MEGF11: variants seen among roughly 807,000 people sequenced by gnomAD.
MEGF11 encodes multiple epidermal growth factor-like domains protein 11.
Under a neutral mutation model 146.6 loss-of-function variants are expected in MEGF11, and 126 were observed. The ratio of observed to expected loss-of-function variants is 0.86; its 90% CI spans 0.74 to 1.00. The LOEUF (loss-of-function observed/expected upper bound fraction) is 1.00, where lower values mean the gene tolerates loss of function less well. Among genes scored for constraint, MEGF11 ranks in the 50% least tolerant of loss-of-function variants. The pLI, the probability that MEGF11 is intolerant of heterozygous loss-of-function variation, is 0.00. For missense variants in MEGF11, 1,509 were observed against 1,521.2 expected (o/e 0.99, Z 0.13); for synonymous variants, 532 against 583.4 (o/e 0.91, Z 1.27).
chr15:65,961,069 G>A (rs941793043), intron 9 of MEGF11, among the ~76,000 whole-genome samples: 1 of 152,106 alleles, frequency 6.6e-6, no homozygotes, highest in Non-Finnish European at 1.5e-5. Flanking sequence ...AGAGGATGGA[G>A]AGTGACAGCT....
chr15:66,025,181 T>G (rs2083285058), intron 5 of MEGF11, among the ~76,000 whole-genome samples: 1 of 152,178 alleles, frequency 6.6e-6, no homozygotes, highest in Non-Finnish European at 1.5e-5. Context: ...TTCCAGCAAG[T>G]CTATGCAAAA....
At chr15:65,937,482 T>C (rs1340729563) in intron 10 of MEGF11, among the ~76,000 whole-genome samples, 1 of 152,010 alleles carries the variant, frequency 6.6e-6, no homozygotes, top group Non-Finnish European at 1.5e-5. Flanking sequence ...TGTACAGGCC[T>C]TGGTTTCTTT....
Position 66,194,668 on chromosome 15 carries a change from AAGGGGG to A in MEGF11, c.-9+58931_-9+58936del, listed in dbSNP as rs748360275. ...AATGGACTTTGGGGACTCAGGGAAG[AAGGGGG>A]AGGGGGAGGGGGAGGGATAAAAGAC... On this transcript the variant is annotated intron_variant, in intron 1 of 25. Coordinates refer to ENST00000395614, the MANE Select transcript of MEGF11 (RefSeq NM_001385028.1). 4.0e-4 allele frequency among the ~76,000 whole-genome samples: 54 copies of A among 135,090 alleles called. No individual in the cohort carries two copies. In the South Asian group the frequency reaches 6.4e-3, roughly 16 times the overall value. The allele number at this position is 135,090 out of a possible 152,430, so 88.6% of individuals were successfully genotyped here.
At chr15:66,001,451 C>T (rs1057465308) in intron 5 of MEGF11, among the ~76,000 whole-genome samples, 1 of 152,178 alleles carries the variant, frequency 6.6e-6, no homozygotes, top group African/African-American at 2.4e-5. Flanking sequence ...GATGCTGTCA[C>T]AGCCAAGCAT....
At chr15:66,220,391 T>A (rs1334008306) in intron 1 of MEGF11, among the ~76,000 whole-genome samples, 4 of 151,852 alleles carry the variant, frequency 2.6e-5, no homozygotes, top group Non-Finnish European at 4.4e-5. Flanking sequence ...TCTCGAGAGA[T>A]TACTGTATGA....
In MEGF11 at chr15:66,023,146, A is replaced by AAAC. The variant is rs1404650956; in HGVS notation, c.395-40659_395-40658insGTT. On this transcript the variant is annotated intron_variant, in intron 5 of 25. Coordinates refer to ENST00000395614, the MANE Select transcript of MEGF11 (RefSeq NM_001385028.1). ...ACAAAGTGAGACTCCATCTCAAAAA[A>AAAC]AAAAAAAAACAAACTTGTTTGAAGC... Among the ~76,000 whole-genome samples, 701 of 150,998 alleles carry AAAC rather than the reference A, an allele frequency of 4.6e-3. 13 individuals carry two copies. The highest frequency in any genetic ancestry group is 0.015 in the African/African-American group (598 of 40,862).
intron 24 of MEGF11, among the ~76,000 whole-genome samples, chr15:65,904,163 G>C (rs949599789): frequency 3.3e-5 from 5 of 152,206 alleles, no homozygotes; most frequent in Non-Finnish European, 7.3e-5. Flanking sequence ...TGTGTGTTCA[G>C]TTATTGGGGT....
At chr15:66,023,596 C>T (rs934083706) in intron 5 of MEGF11, among the ~76,000 whole-genome samples, 2 of 152,244 alleles carry the variant, frequency 1.3e-5, no homozygotes, top group Non-Finnish European at 2.9e-5. Context: ...CAAAGACTCA[C>T]AGCCCCAGTT....
intron 1 of MEGF11, among the ~76,000 whole-genome samples, chr15:66,190,612 C>T (rs2090843020): frequency 6.6e-6 from 1 of 152,134 alleles, no homozygotes; most frequent in African/African-American, 2.4e-5. Flanking sequence ...GATAGCACCC[C>T]TCAAAATGCC....
intron 5 of MEGF11, among the ~76,000 whole-genome samples, chr15:66,015,007 A>G (rs2082838094): frequency 6.6e-6 from 1 of 152,124 alleles, no homozygotes. Context: ...GCCAATTTCC[A>G]TGGTGTAAAT....
chr15:65,931,366 T>A (rs1463348146), intron 10 of MEGF11, among the ~76,000 whole-genome samples: 1 of 152,082 alleles, frequency 6.6e-6, no homozygotes, highest in African/African-American at 2.4e-5. Context: ...AGTCCTGCAA[T>A]CAGAGGAACT....
intron 10 of MEGF11, among the ~76,000 whole-genome samples, chr15:65,952,511 C>A (rs1231449334): frequency 1.3e-5 from 2 of 152,322 alleles, no homozygotes; most frequent in South Asian, 4.1e-4. Context: ...GCTGGCCTGA[C>A]CACTGTGTCA....
chr15:65,922,095 T>C (rs1426505568), intron 15 of MEGF11: 8 of 556,078 alleles, frequency 1.4e-5, no homozygotes, highest in Admixed American at 3.5e-5. Flanking sequence ...AATTTGTTTC[T>C]GCCACTTGCT....
At chr15:66,010,991 A>G (rs2082693438) in intron 5 of MEGF11, among the ~76,000 whole-genome samples, 1 of 152,128 alleles carries the variant, frequency 6.6e-6, no homozygotes, top group Non-Finnish European at 1.5e-5. Flanking sequence ...GGGACAATGG[A>G]GACTCTCTAT....
At chr15:66,012,554 A>G (rs531841186) in intron 5 of MEGF11, among the ~76,000 whole-genome samples, 1 of 152,366 alleles carries the variant, frequency 6.6e-6, no homozygotes, top group African/African-American at 2.4e-5. Flanking sequence ...AATAATTCTA[A>G]TTATGATGCA....
rs112018993 is a variant in MEGF11, at chr15:66,148,005, T to C, written c.-8-19594A>G. 1.0e-3 allele frequency among the ~76,000 whole-genome samples: 157 copies of C among 152,256 alleles called. 1 individual carries two copies. The highest frequency in any genetic ancestry group is 3.6e-3 in the African/African-American group (149 of 41,552). On this transcript the variant is annotated intron_variant, in intron 1 of 25. Transcript: ENST00000395614. ...ATAGGAAGAATGCATGGGAGCAATA[T>C]TGGCTGACTTGGAGGGACTGCCAGG...
intron 9 of MEGF11, 37 bp downstream of exon 9, chr15:65,964,871 C>A (rs376480282): frequency 4.1e-5 from 62 of 1,498,898 alleles, no homozygotes; most frequent in Non-Finnish European, 5.5e-5. Flanking sequence ...GAGCACCCCC[C>A]GCCCTTGTCC....
chr15:66,159,864 G>A (rs1482706582), intron 1 of MEGF11, among the ~76,000 whole-genome samples: 3 of 152,146 alleles, frequency 2.0e-5, no homozygotes, highest in Non-Finnish European at 2.9e-5. Flanking sequence ...CTAGAAGAGG[G>A]TGCAGCGGTC....
chr15:66,119,107 C>T lies in MEGF11; in HGVS notation c.280G>A (p.Glu94Lys), dbSNP rs369391914. 56 of 1,551,410 alleles carry T rather than the reference C, an allele frequency of 3.6e-5. No individual in the cohort carries two copies. The highest frequency in any genetic ancestry group is 3.3e-4 in the Middle Eastern group (2 of 5,992). Residue 94 changes from glutamate to lysine, a missense_variant, in exon 4 of 26, where the codon GAG becomes AAG. By Grantham distance (56) the Glu-to-Lys change is moderately conservative. Transcript: ENST00000395614. ...ATACGTATGCAGAAGTCTCCGCTCT[C>T]ATAGTAGCCAGGGCAGCACTGGGAC... ...RRSQCCPGYY[E>K]SGDFCIPLCT... is the part of the protein sequence containing the mutation.
Sources: gnomAD v4.1 joint callset for allele counts (sites outside exome capture counted in the v4.1 genomes callset) on GRCh38, gnomAD v4.1.1 for gene constraint, MANE v1.5 for transcripts, NCBI Gene and HGNC (gene_info 2026-07-23, HGNC 2026-07-21) for gene names.